INSL6: variants seen among roughly 807,000 people sequenced by gnomAD.
INSL6 encodes insulin like 6.
Under a neutral mutation model 9.4 loss-of-function variants are expected in INSL6, and 16 were observed. That is an observed-to-expected ratio of 1.70 (90% CI 1.15 to 2.59). The LOEUF is 2.59. Ranked by LOEUF, INSL6 falls within the 30% of genes most tolerant of loss-of-function variation. INSL6 has a pLI of 0.00. For synonymous variants in INSL6, 154 were observed against 96.9 expected (o/e 1.59, Z -3.46); for missense variants, 391 against 257.3 (o/e 1.52, Z -3.56).
chr9:5,053,975 CT>C, the INSL6 span, among the ~76,000 whole-genome samples: 2 of 151,938 alleles, frequency 1.3e-5, no homozygotes, highest in Non-Finnish European at 2.9e-5. Context: ...AAATTACCTT[CT>C]TTAGAATATT....
chr9:5,175,806 C>T (rs951328747), intron 1 of INSL6, among the ~76,000 whole-genome samples: 4 of 152,146 alleles, frequency 2.6e-5, no homozygotes. Context: ...TCTCCCATCA[C>T]CCCCAGATGG....
chr9:5,083,978 G>C, the INSL6 span, among the ~76,000 whole-genome samples: 1 of 151,724 alleles, frequency 6.6e-6, no homozygotes, highest in Non-Finnish European at 1.5e-5. Context: ...ATATTCTTTT[G>C]AGACATAATT....
intron 1 of INSL6, among the ~76,000 whole-genome samples, chr9:5,166,324 T>A (rs974625357): frequency 1.3e-5 from 2 of 152,196 alleles, no homozygotes; most frequent in Admixed American, 1.3e-4. Context: ...TCCCCTTTTA[T>A]CTTGAGGTTA....
At chr9:4,995,713 A>G in the INSL6 span, among the ~76,000 whole-genome samples, 1 of 152,226 alleles carries the variant, frequency 6.6e-6, no homozygotes, top group African/African-American at 2.4e-5. Context: ...GTACTTGAAA[A>G]TAAAATGAAT....
chr9:5,023,596 G>A, the INSL6 span, among the ~76,000 whole-genome samples: 9 of 152,178 alleles, frequency 5.9e-5, no homozygotes, highest in African/African-American at 2.2e-4. Flanking sequence ...GGACCATTGG[G>A]CATCTCTAAC....
the INSL6 span, chr9:5,090,955 C>G: frequency 1.5e-6 from 2 of 1,300,152 alleles, no homozygotes; most frequent in Non-Finnish European, 2.1e-6. Context: ...AGAGCACAGA[C>G]TTCAAACTTT....
At chr9:5,140,882 C>T (rs1824483074) in intron 2 of INSL6, among the ~76,000 whole-genome samples, 1 of 151,796 alleles carries the variant, frequency 6.6e-6, no homozygotes, top group Non-Finnish European at 1.5e-5. Context: ...CTCTAATAGG[C>T]CCCTGTATGT....
At chr9:5,035,579 A>G in the INSL6 span, among the ~76,000 whole-genome samples, 2 of 152,242 alleles carry the variant, frequency 1.3e-5, no homozygotes, top group African/African-American at 2.4e-5. Flanking sequence ...CTGGTTCAAC[A>G]TATGCAAATC....
At chr9:5,111,115 T>C in the INSL6 span, 1 of 1,209,936 alleles carries the variant, frequency 8.3e-7, no homozygotes, top group Non-Finnish European at 1.2e-6. Context: ...CAGCTCCTCC[T>C]TTGACCCCAG....
intron 3 of INSL6, chr9:5,131,969 A>T (rs1253234299): frequency 1.3e-5 from 2 of 152,216 alleles, no homozygotes; most frequent in Non-Finnish European, 2.9e-5. Flanking sequence ...TTTTGAAGAC[A>T]GTGTGAATCT....
intron 1 of INSL6, among the ~76,000 whole-genome samples, chr9:5,183,078 AT>A: frequency 6.6e-6 from 1 of 152,346 alleles, no homozygotes; most frequent in East Asian, 1.9e-4. Flanking sequence ...ATAAAAAGTA[AT>A]CAACTTTCCA....
At chr9:5,089,914 C>T in the INSL6 span, 1 of 1,255,486 alleles carries the variant, frequency 8.0e-7, no homozygotes, top group Non-Finnish European at 1.1e-6. Context: ...TGTTTGGCAT[C>T]CTGTGTAATA....
the INSL6 span, among the ~76,000 whole-genome samples, chr9:5,117,201 G>A: frequency 1.3e-5 from 2 of 152,182 alleles, no homozygotes; most frequent in Non-Finnish European, 2.9e-5. Flanking sequence ...AGAAGTATGA[G>A]AAATAAATTT....
intron 2 of INSL6, among the ~76,000 whole-genome samples, chr9:5,157,811 A>C (rs577234257): frequency 3.6e-4 from 55 of 152,308 alleles, no homozygotes; most frequent in African/African-American, 1.3e-3. Flanking sequence ...ACAAGCATCA[A>C]GACTACCCAG....
chr9:5,023,651 C>G, the INSL6 span, among the ~76,000 whole-genome samples: 48 of 152,144 alleles, frequency 3.2e-4, no homozygotes, highest in Non-Finnish European at 6.8e-4. Context: ...CTTGCCAATC[C>G]CGGCTGGGCA....
chr9:5,171,725 T>C (rs1825185512), intron 1 of INSL6, among the ~76,000 whole-genome samples: 1 of 152,130 alleles, frequency 6.6e-6, no homozygotes, highest in Non-Finnish European at 1.5e-5. Context: ...GAATTATGAA[T>C]GAACTCCTAT....
At chr9:5,025,816 G>T in the INSL6 span, among the ~76,000 whole-genome samples, 1 of 152,104 alleles carries the variant, frequency 6.6e-6, no homozygotes, top group South Asian at 2.1e-4. Flanking sequence ...ACTGCACCCA[G>T]CCAGAATCTA....
the INSL6 span, among the ~76,000 whole-genome samples, chr9:5,042,359 G>C: frequency 2.7e-5 from 4 of 150,578 alleles, no homozygotes; most frequent in Admixed American, 1.3e-4. Flanking sequence ...GGATGGTCTC[G>C]ATCTCCTGAC....
the INSL6 span, among the ~76,000 whole-genome samples, chr9:5,013,389 T>A: frequency 6.6e-6 from 1 of 152,250 alleles, no homozygotes; most frequent in Non-Finnish European, 1.5e-5. Flanking sequence ...TCAAAATGGT[T>A]ATATCTTGCA....
Sources: allele counts gnomAD v4.1 joint callset (sites outside exome capture counted in the v4.1 genomes callset), GRCh38; gene constraint gnomAD v4.1.1; transcripts MANE v1.5; gene names NCBI Gene and HGNC (gene_info 2026-07-23, HGNC 2026-07-21).